The following TBX15 variants were observed in gnomAD, a reference collection of about 807,000 sequenced individuals.
The protein encoded by TBX15 is T-box transcription factor 15.
In TBX15, 18 loss-of-function variants were observed where a neutral mutation model predicts 53.9. That is an observed-to-expected ratio of 0.33 (90% CI 0.23 to 0.49). The LOEUF is 0.49. Among genes scored for constraint, TBX15 ranks in the 20% least tolerant of loss-of-function variants. TBX15 has a pLI of 0.98. For synonymous variants in TBX15, 295 were observed against 278.0 expected (o/e 1.06, Z -0.61); for missense variants, 692 against 749.5 (o/e 0.92, Z 0.90).
chr1:118,987,884 C>A lies in TBX15; in HGVS notation c.-89G>T. 6.7e-7 allele frequency: 1 copy of A among 1,494,102 alleles called. No individual in the cohort carries two copies. The highest frequency in any genetic ancestry group is 1.4e-5 in the African/African-American group (1 of 71,662). The allele number at this position is 1,494,102 out of a possible 1,614,324, so 92.6% of individuals were successfully genotyped here. ...AGCTCTGAGCGCCCACCGGGCCCGG[C>A]CCGGGAGAGGCGGAGGCGCGTCGGA... On this transcript the variant is annotated 5_prime_UTR_variant, in exon 1 of 8. Coordinates refer to ENST00000369429, the MANE Select transcript of TBX15 (RefSeq NM_001330677.2).
At chr1:118,976,492 C>T (rs371129808) in intron 1 of TBX15, among the ~76,000 whole-genome samples, 28 of 152,074 alleles carry the variant, frequency 1.8e-4, no homozygotes, top group African/African-American at 5.1e-4. Flanking sequence ...TTCTGAGCTC[C>T]GGGAAGAAAT....
chr1:118,898,714 AT>A (rs924410513), intron 7 of TBX15, among the ~76,000 whole-genome samples: 5 of 152,334 alleles, frequency 3.3e-5, no homozygotes, highest in Admixed American at 6.5e-5. Context: ...TATTAAAAAA[AT>A]CTCTTCAAAT....
chr1:118,923,303 T>G, intron 5 of TBX15, 133 bp downstream of exon 5: 1 of 1,139,254 alleles, frequency 8.8e-7, no homozygotes, highest in Non-Finnish European at 1.3e-6. Flanking sequence ...TAACACTGTA[T>G]AGTACTTAAC....
intron 7 of TBX15, chr1:118,890,909 C>G: frequency 1.5e-6 from 2 of 1,304,184 alleles, no homozygotes; most frequent in East Asian, 5.5e-5. Flanking sequence ...AATTCAATGG[C>G]ATCTGTCTCT....
At position 118,939,434 on chromosome 1, in the gene TBX15, AAAC is replaced by A. The variant is rs1162020599; in HGVS notation, c.206-7605_206-7603del. Among the ~76,000 whole-genome samples the A allele has an allele frequency of 1.7e-3, 122 of 72,852 alleles. 21 individuals are homozygous for A. The East Asian group carries it at 0.018, about 11-fold the overall frequency. 47.8% of individuals were successfully genotyped at this position (72,852 alleles called of 152,430 possible). On this transcript the variant is annotated intron_variant, in intron 1 of 7. Transcript: ENST00000369429. ...AAAAAAAAAAAAAAAAAAAAAAAAA[AAAC>A]AAAAACAGGAACAGAAAACCAAATA... is the stretch of plus-strand genomic sequence containing the variant.
At chr1:118,962,327 C>G (rs1228941063) in intron 1 of TBX15, among the ~76,000 whole-genome samples, 2 of 152,150 alleles carry the variant, frequency 1.3e-5, no homozygotes, top group Non-Finnish European at 2.9e-5. Flanking sequence ...TGGTTGCCTA[C>G]ATAACCTCAA....
In TBX15 at chr1:118,906,889, A is replaced by T. The variant is rs75701658; in HGVS notation, c.926+7226T>A. On this transcript the variant is annotated intron_variant, in intron 6 of 7. Coordinates refer to ENST00000369429, the MANE Select transcript of TBX15 (RefSeq NM_001330677.2). Reference sequence around the variant, plus strand: ...AGACTCAGATTTCTTCTTGCACCTCATCCTGCAAGCCCTATTGTTTCTTCA... The same window carrying T: ...AGACTCAGATTTCTTCTTGCACCTCTTCCTGCAAGCCCTATTGTTTCTTCA... 9.2e-3 allele frequency among the ~76,000 whole-genome samples: 1,398 copies of T among 152,178 alleles called. 24 individuals carry two copies. The highest frequency in any genetic ancestry group is 0.032 in the African/African-American group (1,318 of 41,506).
chr1:118,954,711 G>A (rs1452119441), intron 1 of TBX15, among the ~76,000 whole-genome samples: 1 of 152,224 alleles, frequency 6.6e-6, no homozygotes, highest in East Asian at 1.9e-4. Context: ...AGAATGGCCT[G>A]CCAGCCAATC....
At chr1:118,903,118 C>T (rs891197562) in intron 6 of TBX15, among the ~76,000 whole-genome samples, 9 of 152,088 alleles carry the variant, frequency 5.9e-5, no homozygotes, top group South Asian at 2.1e-4. Flanking sequence ...CAACATAGGC[C>T]GTATCCAAAC....
At chr1:118,927,835 G>T (rs1364903299) in intron 2 of TBX15, among the ~76,000 whole-genome samples, 5 of 152,188 alleles carry the variant, frequency 3.3e-5, no homozygotes, top group Non-Finnish European at 7.4e-5. Context: ...AAGCTCTTTT[G>T]TATCAAGCCG....
At chr1:118,906,325 C>T (rs943420561) in intron 6 of TBX15, among the ~76,000 whole-genome samples, 5 of 152,072 alleles carry the variant, frequency 3.3e-5, no homozygotes, top group Non-Finnish European at 1.5e-5. Flanking sequence ...AACGGAGATC[C>T]TCTGTATACC....
At chr1:118,987,161 G>C (rs1657866363) in intron 1 of TBX15, among the ~76,000 whole-genome samples, 1 of 152,188 alleles carries the variant, frequency 6.6e-6, no homozygotes, top group African/African-American at 2.4e-5. Flanking sequence ...GAGACAACTG[G>C]TCATTCCCCG....
chr1:118,935,981 C>T (rs955258394), intron 1 of TBX15, among the ~76,000 whole-genome samples: 2 of 152,058 alleles, frequency 1.3e-5, no homozygotes, highest in African/African-American at 2.4e-5. Context: ...GTCAGATCTC[C>T]CCAAAAGCAC....
chr1:118,938,337 G>A (rs1230908334), intron 1 of TBX15, among the ~76,000 whole-genome samples: 1 of 152,066 alleles, frequency 6.6e-6, no homozygotes, highest in Non-Finnish European at 1.5e-5. Flanking sequence ...AGGAGACTAA[G>A]GGCACATCAT....
intron 7 of TBX15, among the ~76,000 whole-genome samples, chr1:118,893,902 G>A (rs1471135113): frequency 6.6e-6 from 1 of 152,034 alleles, no homozygotes; most frequent in Non-Finnish European, 1.5e-5. Flanking sequence ...TTGGATCCAG[G>A]GATTTAATCA....
At chr1:118,950,080 A>G (rs12141651) in intron 1 of TBX15, among the ~76,000 whole-genome samples, 19,536 of 152,164 alleles carry the variant, frequency 0.13, 1,772 homozygotes, top group Non-Finnish European at 0.18. Context: ...CACAATAAAT[A>G]CCTTGCTTTT....
intron 6 of TBX15, among the ~76,000 whole-genome samples, chr1:118,908,462 A>T (rs1179570632): frequency 6.6e-6 from 1 of 152,080 alleles, no homozygotes; most frequent in Non-Finnish European, 1.5e-5. Flanking sequence ...CAAGTAAGAG[A>T]AATCTCCCAG....
intron 1 of TBX15, among the ~76,000 whole-genome samples, chr1:118,955,637 TA>T (rs1442311058): frequency 6.6e-6 from 1 of 152,210 alleles, no homozygotes; most frequent in Admixed American, 6.5e-5. Context: ...AGAGTCATTT[TA>T]CAAAGAGTAA....
At chr1:118,941,791 A>C (rs1263963710) in intron 1 of TBX15, among the ~76,000 whole-genome samples, 3 of 152,124 alleles carry the variant, frequency 2.0e-5, no homozygotes, top group African/African-American at 7.2e-5. Flanking sequence ...GTCAAAATCC[A>C]CCATAGCACA....
Sources: gnomAD v4.1 joint callset for allele counts (sites outside exome capture counted in the v4.1 genomes callset) on GRCh38, gnomAD v4.1.1 for gene constraint, MANE v1.5 for transcripts, NCBI Gene and HGNC (gene_info 2026-07-23, HGNC 2026-07-21) for gene names.